CNTNAP2: variants seen among roughly 807,000 people sequenced by gnomAD.
CNTNAP2 encodes contactin associated protein 2.
A neutral mutation model predicts 155.2 loss-of-function variants in CNTNAP2; 98 were observed. The ratio of observed to expected loss-of-function variants is 0.63; its 90% CI spans 0.54 to 0.75. CNTNAP2 has a LOEUF of 0.75. Ranked by LOEUF, CNTNAP2 falls within the 30% of genes least tolerant of loss-of-function variation. The probability of loss-of-function intolerance (pLI) is 0.00; values close to 1 mark genes in which losing one functional copy is unlikely to be tolerated. For missense variants in CNTNAP2, 1,727 were observed against 1,688.1 expected (o/e 1.02, Z -0.40); for synonymous variants, 651 against 631.2 (o/e 1.03, Z -0.47).
intron 13 of CNTNAP2, among the ~76,000 whole-genome samples, chr7:147,752,537 G>A (rs972260248): frequency 6.6e-6 from 1 of 152,200 alleles, no homozygotes; most frequent in African/African-American, 2.4e-5. Flanking sequence ...AGGGGCCTTT[G>A]ATAATTGCAT....
chr7:148,157,835 AT>A (rs1490358433), intron 17 of CNTNAP2, among the ~76,000 whole-genome samples: 1 of 152,164 alleles, frequency 6.6e-6, no homozygotes, highest in Non-Finnish European at 1.5e-5. Context: ...GAGTAAATTA[AT>A]TTGCTGGACA....
At chr7:146,233,184 T>A (rs930021149) in intron 1 of CNTNAP2, among the ~76,000 whole-genome samples, 15 of 152,234 alleles carry the variant, frequency 9.9e-5, no homozygotes, top group Middle Eastern at 3.4e-3. Flanking sequence ...TGTTTTTTTT[T>A]ATTATGGTTT....
chr7:147,034,713 G>C (rs1584796007), intron 3 of CNTNAP2, among the ~76,000 whole-genome samples: 3 of 152,112 alleles, frequency 2.0e-5, no homozygotes, highest in African/African-American at 7.2e-5. Flanking sequence ...AAGGGGGATG[G>C]AGTGGGAAGC....
chr7:146,828,216 A>G (rs1585110814), intron 2 of CNTNAP2, among the ~76,000 whole-genome samples: 1 of 152,248 alleles, frequency 6.6e-6, no homozygotes, highest in South Asian at 2.1e-4. Flanking sequence ...AACAATAAAA[A>G]TTATATACAG....
intron 4 of CNTNAP2, among the ~76,000 whole-genome samples, chr7:147,057,745 G>A (rs1799589362): frequency 6.6e-6 from 1 of 152,124 alleles, no homozygotes. Context: ...AGTTCATTGT[G>A]TTCCTAGGAA....
At chr7:146,694,415 T>G (rs939881154) in intron 1 of CNTNAP2, among the ~76,000 whole-genome samples, 2 of 152,194 alleles carry the variant, frequency 1.3e-5, no homozygotes, top group Non-Finnish European at 2.9e-5. Context: ...ATTGATTATA[T>G]TTGTGTGGGT....
chr7:147,983,950 T>C (rs1044381614), intron 15 of CNTNAP2, among the ~76,000 whole-genome samples: 1 of 152,330 alleles, frequency 6.6e-6, no homozygotes, highest in Non-Finnish European at 1.5e-5. Flanking sequence ...TCTAGTTATG[T>C]TGATAGAGAT....
rs139336565 is a variant in CNTNAP2, at chr7:147,524,178, T to C, written c.1778-37960T>C. Among the ~76,000 whole-genome samples, 436 of 152,342 alleles carry C rather than the reference T, an allele frequency of 2.9e-3. 1 individual carries two copies. Among genetic ancestry groups the C allele is most frequent in the African/African-American group, 9.7e-3 (403 of 41,572 alleles). On this transcript the variant is annotated intron_variant, in intron 11 of 23. Coordinates refer to ENST00000361727, the MANE Select transcript of CNTNAP2 (RefSeq NM_014141.6). ...TGCAAATAGTGCTTTGGTTTTTCTT[T>C]AAAATATCCTTTTGCTATTACTATA...
At chr7:146,988,781 T>C (rs1798160017) in intron 3 of CNTNAP2, among the ~76,000 whole-genome samples, 1 of 152,172 alleles carries the variant, frequency 6.6e-6, no homozygotes, top group South Asian at 2.1e-4. Flanking sequence ...CTTAGGCTAT[T>C]TGGATTTCCT....
intron 3 of CNTNAP2, among the ~76,000 whole-genome samples, chr7:146,970,655 A>T (rs1232426201): frequency 3.9e-5 from 6 of 152,288 alleles, no homozygotes; most frequent in South Asian, 2.1e-4. Context: ...CAGTGTGGCG[A>T]TTCCTCAGGG....
rs986491354 is a variant in CNTNAP2 at position 146,593,149 on chromosome 7, T to TTTA, written c.98-181106_98-181104dup. ...GGGTATAGTTACCCTGTTTACTATG[T>TTTA]TTATTATTATTATTATTAATATTAT... On this transcript the variant is annotated intron_variant, in intron 1 of 23. Transcript: ENST00000361727. Among the ~76,000 whole-genome samples, 7 of 151,006 alleles carry TTTA rather than the reference T, an allele frequency of 4.6e-5. No homozygotes were observed. In the South Asian group the frequency reaches 6.3e-4, roughly 14 times the overall value.
chr7:146,674,240 T>C (rs747756316), intron 1 of CNTNAP2, among the ~76,000 whole-genome samples: 1 of 152,168 alleles, frequency 6.6e-6, no homozygotes, highest in Non-Finnish European at 1.5e-5. Flanking sequence ...TTAGAGAGTT[T>C]AATGGAAATA....
At chr7:148,372,602 G>A (rs1798908029) in intron 21 of CNTNAP2, among the ~76,000 whole-genome samples, 1 of 152,102 alleles carries the variant, frequency 6.6e-6, no homozygotes, top group South Asian at 2.1e-4. Flanking sequence ...CAGCTACTCG[G>A]GAGGCTGAGG....
At chr7:146,631,873 C>A (rs1309211173) in intron 1 of CNTNAP2, among the ~76,000 whole-genome samples, 1 of 152,096 alleles carries the variant, frequency 6.6e-6, no homozygotes, top group Non-Finnish European at 1.5e-5. Context: ...CTCCCAAATA[C>A]AAATGTTCAA....
chr7:146,711,940 CATCTT>C (rs1271916356), intron 1 of CNTNAP2, among the ~76,000 whole-genome samples: 1 of 52,934 alleles, frequency 1.9e-5, no homozygotes, highest in Non-Finnish European at 2.8e-5. Flanking sequence ...ATAGTATACA[CATCTT>C]ATGTATACTA....
intron 20 of CNTNAP2, among the ~76,000 whole-genome samples, chr7:148,244,530 T>C (rs1321649124): frequency 6.6e-6 from 1 of 151,424 alleles, no homozygotes; most frequent in African/African-American, 2.4e-5. Flanking sequence ...GTTTTTGATG[T>C]TGCCTTTTTG....
chr7:146,235,418 G>C (rs1799456463), intron 1 of CNTNAP2, among the ~76,000 whole-genome samples: 4 of 152,076 alleles, frequency 2.6e-5, no homozygotes, highest in Admixed American at 1.3e-4. Flanking sequence ...CTGGCTGTGA[G>C]ACAAGGAATC....
At chr7:146,994,425 TAAG>T (rs768040907) in intron 3 of CNTNAP2, among the ~76,000 whole-genome samples, 5 of 152,146 alleles carry the variant, frequency 3.3e-5, no homozygotes, top group African/African-American at 1.2e-4. Flanking sequence ...GATGAATTCT[TAAG>T]AATAATTTTA....
intron 11 of CNTNAP2, among the ~76,000 whole-genome samples, chr7:147,534,109 G>T (rs1286229694): frequency 1.3e-5 from 2 of 152,194 alleles, no homozygotes; most frequent in African/African-American, 4.8e-5. Flanking sequence ...TAAGCCAGTA[G>T]TTTTCAACCT....
Sources: allele counts gnomAD v4.1 joint callset (sites outside exome capture counted in the v4.1 genomes callset), GRCh38; gene constraint gnomAD v4.1.1; transcripts MANE v1.5; gene names NCBI Gene and HGNC (gene_info 2026-07-23, HGNC 2026-07-21).